Variants in MCF2L2 observed in about 807,000 individuals in gnomAD.
MCF2L2 encodes the protein MCF.2 cell line derived transforming sequence-like 2, also known as probable guanine nucleotide exchange factor MCF2L2.
Under a neutral mutation model 150.2 loss-of-function variants are expected in MCF2L2, and 102 were observed. The observed-to-expected ratio is 0.68, with a 90% CI of 0.58 to 0.80. MCF2L2 has a LOEUF of 0.80. MCF2L2 is among the 30% of genes least tolerant of loss of function. The pLI, the probability that MCF2L2 is intolerant of heterozygous loss-of-function variation, is 0.00. For missense variants in MCF2L2, 1,256 were observed against 1,372.8 expected (o/e 0.91, Z 1.34); for synonymous variants, 465 against 491.3 (o/e 0.95, Z 0.71).
At chr3:183,249,424 T>A (rs1724412269) in intron 15 of MCF2L2, among the ~76,000 whole-genome samples, 1 of 152,210 alleles carries the variant, frequency 6.6e-6, no homozygotes, top group South Asian at 2.1e-4. Context: ...CCTGTCCCTG[T>A]CCCTGAGAGG....
intron 3 of MCF2L2, among the ~76,000 whole-genome samples, chr3:183,366,752 G>A (rs9290755): frequency 0.31 from 47,825 of 151,956 alleles, 11,485 homozygotes; most frequent in African/African-American, 0.67. Flanking sequence ...CAGAGACTCA[G>A]TGAAAAACAC....
At chr3:183,204,301 A>T (rs566048676) in intron 25 of MCF2L2, among the ~76,000 whole-genome samples, 1 of 152,180 alleles carries the variant, frequency 6.6e-6, no homozygotes, top group Non-Finnish European at 1.5e-5. Context: ...TAAAATGACA[A>T]GCCAATTAAA....
At chr3:183,257,958 C>CTTTTTTTT (rs35323502) in intron 15 of MCF2L2, among the ~76,000 whole-genome samples, 1,305 of 64,748 alleles carry the variant, frequency 0.02, 244 homozygotes, top group African/African-American at 0.034. Flanking sequence ...CCACTTCACC[C>CTTTTTTTT]TTTTTTTTTT....
intron 2 of MCF2L2, among the ~76,000 whole-genome samples, chr3:183,381,016 AG>A (rs1339762613): frequency 1.3e-5 from 2 of 152,190 alleles, no homozygotes; most frequent in East Asian, 1.9e-4. Flanking sequence ...CTTTTGGCCT[AG>A]GGGGGCCATG....
intron 14 of MCF2L2, among the ~76,000 whole-genome samples, chr3:183,277,420 A>G (rs1369764861): frequency 6.6e-6 from 1 of 151,246 alleles, no homozygotes; most frequent in East Asian, 1.9e-4. Flanking sequence ...CTATTGATTC[A>G]TAAGAGGACA....
chr3:183,423,632 G>GTTTTTTTTTTTTTTTTT (rs34400256), intron 1 of MCF2L2, among the ~76,000 whole-genome samples: 1 of 92,040 alleles, frequency 1.1e-5, no homozygotes, highest in Non-Finnish European at 2.1e-5. Context: ...AATTTTATTT[G>GTTTTTTTTTTTTTTTTT]TTTTTTTTTT....
At position 183,223,443 on chromosome 3, in the gene MCF2L2, A is replaced by G. The variant is rs1256952802; in HGVS notation, c.2209-5T>C. 2.5e-6 allele frequency: 4 copies of G among 1,606,712 alleles called. No individual in the cohort carries two copies. Among genetic ancestry groups the G allele is most frequent in the Non-Finnish European group, 3.4e-6 (4 of 1,173,358 alleles). On this transcript the variant is annotated splice_region_variant and splice_polypyrimidine_tract_variant and intron_variant, in intron 19 of 29. Coordinates refer to ENST00000328913, the MANE Select transcript of MCF2L2 (RefSeq NM_015078.4). ...ATCCAGTTGGCGCTGGCATACCTTT[A>G]AAAGCCAAATAGAAACAACATAAAG...
chr3:183,188,079 C>T (rs541503433), intron 27 of MCF2L2, among the ~76,000 whole-genome samples: 28 of 152,266 alleles, frequency 1.8e-4, no homozygotes, highest in African/African-American at 6.7e-4. Flanking sequence ...CGCAATACTC[C>T]CATGCCCAGC....
At chr3:183,301,157 C>A (rs1004317568) in intron 10 of MCF2L2, among the ~76,000 whole-genome samples, 1 of 152,090 alleles carries the variant, frequency 6.6e-6, no homozygotes, top group African/African-American at 2.4e-5. Flanking sequence ...ACCACACGTG[C>A]CAAGTTTTCC....
intron 2 of MCF2L2, among the ~76,000 whole-genome samples, chr3:183,384,474 C>T (rs4859180): frequency 0.033 from 5,047 of 152,200 alleles, 252 homozygotes; most frequent in African/African-American, 0.1. Context: ...TTTTGCAAAC[C>T]CTGCACTTGA....
intron 21 of MCF2L2, among the ~76,000 whole-genome samples, chr3:183,218,570 G>GT (rs35056714): frequency 6.6e-6 from 1 of 152,146 alleles, no homozygotes; most frequent in Non-Finnish European, 1.5e-5. Flanking sequence ...GGGAGGCGGA[G>GT]TTGCAGTGAG....
chr3:183,208,126 CT>C (rs1401812262), intron 22 of MCF2L2, among the ~76,000 whole-genome samples: 5 of 152,208 alleles, frequency 3.3e-5, no homozygotes, highest in African/African-American at 9.7e-5. Flanking sequence ...TCAATTTTAA[CT>C]AGCAGAATTC....
rs373581618 is a variant in MCF2L2 at position 183,222,613 on chromosome 3, CTTGTTT to C, written c.2301+727_2301+732del. 9.9e-3 allele frequency among the ~76,000 whole-genome samples: 1,513 copies of C among 152,062 alleles called. 23 individuals carry two copies. The highest frequency in any genetic ancestry group is 0.033 in the African/African-American group (1,375 of 41,464). On this transcript the variant is annotated intron_variant, in intron 20 of 29. Coordinates refer to ENST00000328913, the MANE Select transcript of MCF2L2 (RefSeq NM_015078.4). ...GGAAGTACCCAGTAAACAGTAGGTG[CTTGTTT>C]TTGTTTTTGTTTTTGTTTTTTATTA...
chr3:183,358,754 G>C (rs1160959012), intron 3 of MCF2L2, among the ~76,000 whole-genome samples: 1 of 151,984 alleles, frequency 6.6e-6, no homozygotes, highest in Non-Finnish European at 1.5e-5. Context: ...TCGAGTAGCT[G>C]GGACTACAGG....
At chr3:183,329,244 T>A in intron 5 of MCF2L2, among the ~76,000 whole-genome samples, 1 of 152,252 alleles carries the variant, frequency 6.6e-6, no homozygotes, top group East Asian at 1.9e-4. Flanking sequence ...TCGCCCAGGC[T>A]GGAGTGCAGT....
intron 13 of MCF2L2, 62 bp downstream of exon 13, chr3:183,295,238 C>T (rs1041363459): frequency 1.0e-5 from 15 of 1,495,408 alleles, no homozygotes; most frequent in Admixed American, 6.5e-5. Flanking sequence ...CAACCAGTCA[C>T]AGTCCTCATG....
chr3:183,303,830 AG>A (rs1466290594), intron 10 of MCF2L2, among the ~76,000 whole-genome samples: 3 of 152,108 alleles, frequency 2.0e-5, no homozygotes, highest in Non-Finnish European at 2.9e-5. Context: ...CTGGGCGCCC[AG>A]GGTCTTCAGG....
intron 15 of MCF2L2, among the ~76,000 whole-genome samples, chr3:183,233,842 C>A (rs1053656263): frequency 1.3e-5 from 2 of 152,082 alleles, no homozygotes; most frequent in African/African-American, 2.4e-5. Flanking sequence ...GATATGTAAA[C>A]CCTATTTGAT....
At chr3:183,292,743 T>C (rs949326469) in intron 13 of MCF2L2, among the ~76,000 whole-genome samples, 2 of 152,160 alleles carry the variant, frequency 1.3e-5, no homozygotes, top group African/African-American at 4.8e-5. Flanking sequence ...AAGTATGACA[T>C]TGTAGTATGT....
Sources: allele counts gnomAD v4.1 joint callset (sites outside exome capture counted in the v4.1 genomes callset), GRCh38; gene constraint gnomAD v4.1.1; transcripts MANE v1.5; gene names NCBI Gene and HGNC (gene_info 2026-07-23, HGNC 2026-07-21).